Variants in TLK2 observed in about 807,000 individuals in gnomAD.
The protein encoded by TLK2 is tousled like kinase 2.
Under a neutral mutation model 117.3 loss-of-function variants are expected in TLK2, and 6 were observed. The observed-to-expected ratio is 0.05, with a 90% CI of 0.03 to 0.10. The LOEUF (loss-of-function observed/expected upper bound fraction) is 0.10, where lower values mean the gene tolerates loss of function less well. TLK2 is among the 10% of genes least tolerant of loss of function. TLK2 has a pLI of 1.00. For synonymous variants in TLK2, 257 were observed against 316.7 expected (o/e 0.81, Z 2.00); for missense variants, 299 against 901.2 (o/e 0.33, Z 8.56).
At chr17:62,527,983 C>T (rs1350721502) in intron 6 of TLK2, among the ~76,000 whole-genome samples, 9 of 152,020 alleles carry the variant, frequency 5.9e-5, no homozygotes, top group African/African-American at 1.7e-4. Flanking sequence ...CCTCGTGATC[C>T]GCCCGCCTCG....
At chr17:62,585,240 T>C (rs1357277339) in intron 15 of TLK2, among the ~76,000 whole-genome samples, 2 of 152,262 alleles carry the variant, frequency 1.3e-5, no homozygotes, top group African/African-American at 4.8e-5. Context: ...CAGCCATTTT[T>C]GGGATTAGAA....
chr17:62,542,889 TC>T lies in TLK2; in HGVS notation c.531+6554del, dbSNP rs1452461393. 2.0e-5 allele frequency among the ~76,000 whole-genome samples: 3 copies of T among 152,242 alleles called. No homozygotes were observed. In the East Asian group the frequency reaches 5.8e-4, roughly 29 times the overall value. ...AAAATACAATTCAGAAATCTTGACC[TC>T]CTATCTCTAAATAGTTAAATAGGCA... On this transcript the variant is annotated intron_variant, in intron 7 of 21. Transcript: ENST00000346027.
intron 6 of TLK2, among the ~76,000 whole-genome samples, chr17:62,534,905 T>TTTG (rs2077005135): frequency 6.8e-6 from 1 of 146,488 alleles, no homozygotes; most frequent in African/African-American, 2.5e-5. Context: ...TTTTTTTTTT[T>TTTG]GGAGATAGAG....
chr17:62,485,025 C>G (rs180769630), intron 2 of TLK2, among the ~76,000 whole-genome samples: 2 of 152,074 alleles, frequency 1.3e-5, no homozygotes, highest in Non-Finnish European at 2.9e-5. Flanking sequence ...AGCAAGGCTC[C>G]GTCTCAAAAA....
chr17:62,582,116 T>C (rs573715203), intron 15 of TLK2, among the ~76,000 whole-genome samples: 3 of 152,352 alleles, frequency 2.0e-5, no homozygotes, highest in African/African-American at 4.8e-5. Context: ...CTGGGAGATG[T>C]TGAGTTAGTG....
chr17:62,510,050 G>A (rs1189462153), intron 2 of TLK2, among the ~76,000 whole-genome samples: 5 of 152,318 alleles, frequency 3.3e-5, no homozygotes, highest in Admixed American at 1.3e-4. Flanking sequence ...AGGTAGAGGC[G>A]AGTGTACTGC....
At chr17:62,572,196 A>G (rs1435500006) in intron 11 of TLK2, among the ~76,000 whole-genome samples, 2 of 150,924 alleles carry the variant, frequency 1.3e-5, no homozygotes, top group South Asian at 2.1e-4. Context: ...AAAAAAAAAG[A>G]TTTATTATTC....
intron 2 of TLK2, among the ~76,000 whole-genome samples, chr17:62,513,099 T>C (rs1232447047): frequency 6.6e-6 from 1 of 150,824 alleles, no homozygotes; most frequent in Non-Finnish European, 1.5e-5. Context: ...AGGCTGGTCT[T>C]GAACACCAGA....
chr17:62,491,833 C>G (rs765811877), intron 2 of TLK2, among the ~76,000 whole-genome samples: 1 of 152,208 alleles, frequency 6.6e-6, no homozygotes, highest in Non-Finnish European at 1.5e-5. Context: ...ATCCACCCGT[C>G]TTGGCCTCCC....
chr17:62,499,174 C>T (rs1202169854), intron 2 of TLK2, among the ~76,000 whole-genome samples: 1 of 151,868 alleles, frequency 6.6e-6, no homozygotes, highest in Non-Finnish European at 1.5e-5. Context: ...AACCCTGTCT[C>T]TACTAAAAAC....
chr17:62,542,314 T>A (rs1019098548), intron 7 of TLK2, among the ~76,000 whole-genome samples: 2 of 152,176 alleles, frequency 1.3e-5, no homozygotes, highest in African/African-American at 4.8e-5. Flanking sequence ...GGAGACAGGG[T>A]CCCACTGTGT....
At chr17:62,486,900 T>A (rs1274615836) in intron 2 of TLK2, among the ~76,000 whole-genome samples, 2 of 152,352 alleles carry the variant, frequency 1.3e-5, no homozygotes, top group African/African-American at 4.8e-5. Flanking sequence ...ATCACATTGC[T>A]CCCACCAGTT....
Position 62,576,778 on chromosome 17 carries a change from A to G in TLK2, c.1188+3A>G. The G allele has an allele frequency of 6.2e-7, 1 of 1,605,134 alleles. No individual in the cohort carries two copies. The highest frequency in any genetic ancestry group is 2.2e-5 in the East Asian group (1 of 44,776). ...TCAGATTAGGTCATCTTAAAAAGGT[A>G]AGTATAATGAGAAAATCTCCCTGGA... On this transcript the variant is annotated splice_donor_region_variant and intron_variant, in intron 13 of 21. Transcript: ENST00000346027.
rs142145843 is a variant in TLK2, at chr17:62,610,995, T to C, written c.2080-1397T>C. Among the ~76,000 whole-genome samples the C allele has an allele frequency of 8.5e-5, 13 of 152,188 alleles. No individual in the cohort carries two copies. The East Asian group carries it at 1.9e-3, about 23-fold the overall frequency. ...TTCTACAAAATATTTTAAAAGTAGC[T>C]AGATGTGGTGGGGCACGCCTTTGGT... On this transcript the variant is annotated intron_variant, in intron 21 of 21. Transcript: ENST00000346027.
chr17:62,502,883 A>C (rs1265789776), intron 2 of TLK2, among the ~76,000 whole-genome samples: 4 of 152,176 alleles, frequency 2.6e-5, no homozygotes, highest in Admixed American at 2.6e-4. Context: ...GGATTAAAGA[A>C]CATTAATTTG....
At chr17:62,495,347 TTAGTA>T (rs1220378943) in intron 2 of TLK2, among the ~76,000 whole-genome samples, 2 of 152,060 alleles carry the variant, frequency 1.3e-5, no homozygotes, top group Non-Finnish European at 2.9e-5. Flanking sequence ...TAAAGAATGA[TTAGTA>T]TAGGATAGCT....
intron 16 of TLK2, among the ~76,000 whole-genome samples, chr17:62,596,344 G>C (rs1276771098): frequency 6.6e-6 from 1 of 152,192 alleles, no homozygotes; most frequent in East Asian, 1.9e-4. Flanking sequence ...AAAGTGCTGG[G>C]ATTACAGGCG....
At chr17:62,559,384 TA>T (rs2079090034) in intron 9 of TLK2, among the ~76,000 whole-genome samples, 1 of 151,944 alleles carries the variant, frequency 6.6e-6, no homozygotes, top group South Asian at 2.1e-4. Context: ...TTTTATTTTT[TA>T]TTTTTTTTTT....
intron 11 of TLK2, among the ~76,000 whole-genome samples, chr17:62,567,104 T>C (rs563806781): frequency 2.2e-4 from 33 of 152,220 alleles, no homozygotes; most frequent in Non-Finnish European, 4.3e-4. Flanking sequence ...GGCACACACC[T>C]GTGGTCCCAG....
Sources: allele counts gnomAD v4.1 joint callset (sites outside exome capture counted in the v4.1 genomes callset), GRCh38; gene constraint gnomAD v4.1.1; transcripts MANE v1.5; gene names NCBI Gene and HGNC (gene_info 2026-07-23, HGNC 2026-07-21).